Variants in ZC3H12C observed in about 807,000 individuals in gnomAD.
ZC3H12C encodes the protein probable ribonuclease ZC3H12C.
A neutral mutation model predicts 76.3 loss-of-function variants in ZC3H12C; 20 were observed. The observed-to-expected ratio is 0.26, with a 90% CI of 0.18 to 0.38. ZC3H12C has a LOEUF of 0.38. Ranked by LOEUF, ZC3H12C falls within the 10% of genes least tolerant of loss-of-function variation. ZC3H12C has a pLI of 1.00. For missense variants in ZC3H12C, 874 were observed against 1,086.5 expected, an observed-to-expected ratio of 0.80 and a Z score of 2.75; for synonymous variants, 352 against 399.6, an observed-to-expected ratio of 0.88 and a Z score of 1.42.
At chr11:110,138,974 A>G (rs1345696758) in intron 2 of ZC3H12C, among the ~76,000 whole-genome samples, 1 of 152,184 alleles carries the variant, frequency 6.6e-6, no homozygotes, top group Non-Finnish European at 1.5e-5. Flanking sequence ...ATTGACTACT[A>G]TATTGGACAA....
At chr11:110,105,666 C>A (rs1229389621) in intron 1 of ZC3H12C, among the ~76,000 whole-genome samples, 2 of 151,954 alleles carry the variant, frequency 1.3e-5, no homozygotes, top group African/African-American at 4.8e-5. Context: ...TTTAAAAAAT[C>A]TATTAATCTT....
Position 110,164,714 on chromosome 11 carries a change from A to G in ZC3H12C, c.1629A>G (p.Pro543=), listed in dbSNP as rs1158547917. 1.9e-6 allele frequency: 3 copies of G among 1,613,910 alleles called. No individual in the cohort carries two copies. The highest frequency in any genetic ancestry group is 3.3e-5 in the Admixed American group (2 of 60,004). Reference sequence around the variant, plus strand: ...CTACATCTTTAAGCAATGGCCTTCCATCTGGAGTTCATTTCCCACCTCAGG... The same window carrying G: ...CTACATCTTTAAGCAATGGCCTTCCGTCTGGAGTTCATTTCCCACCTCAGG... ...QSTTSLSNGL[P]SGVHFPPQDQ... The change falls in exon 6 of 6, where the codon CCA becomes CCG. Residue 543 remains proline, a synonymous_variant. Coordinates refer to ENST00000278590, the MANE Select transcript of ZC3H12C (RefSeq NM_033390.2). This position sits in a 1 kb window ranked among gnomAD's most constrained non-coding sequence, Gnocchi z 5.7.
In ZC3H12C at chr11:110,136,824, A is replaced by G. The variant is rs1347882476; in HGVS notation, c.183A>G (p.Ser61=). The G allele has an allele frequency of 1.7e-5, 27 of 1,613,838 alleles. No individual in the cohort carries two copies. Among genetic ancestry groups the G allele is most frequent in the Non-Finnish European group, 2.3e-5 (27 of 1,179,894 alleles). Residue 61 remains serine (S), a synonymous_variant, in exon 2 of 6, where the codon TCA becomes TCG. Transcript: ENST00000278590. ...DPQLSPAVPW[S]TVENPSMDTV... is the part of the protein sequence containing the mutation. ...AGTTAAGTCCAGCTGTACCTTGGTC[A>G]ACAGTAGAAAACCCAAGTATGGATA... is the stretch of plus-strand genomic sequence containing the variant.
At position 110,165,713 on chromosome 11, in the gene ZC3H12C, G is replaced by A; in HGVS notation, c.2628G>A (p.Val876=). 6.3e-7 allele frequency: 1 copy of A among 1,587,398 alleles called. No individual in the cohort carries two copies. Among genetic ancestry groups the A allele is most frequent in the South Asian group, 1.2e-5 (1 of 86,900 alleles). ...AGCAGCTCGCCGCAGCCATTTTAGTGGAGAAATCCCAGCTGGGTTATTGAA... is the reference window on the plus strand; with the variant it reads ...AGCAGCTCGCCGCAGCCATTTTAGTAGAGAAATCCCAGCTGGGTTATTGAA... ...DAQQLAAAIL[V]EKSQLGY The change falls in exon 6 of 6, where the codon GTG becomes GTA. Residue 876 remains valine, a synonymous_variant. Transcript: ENST00000278590.
At chr11:110,129,707 G>C (rs1460918984) in intron 1 of ZC3H12C, among the ~76,000 whole-genome samples, 4 of 152,154 alleles carry the variant, frequency 2.6e-5, no homozygotes, top group Non-Finnish European at 5.9e-5. Flanking sequence ...AAAAGGGAAT[G>C]TGCGTGCTTG....
intron 1 of ZC3H12C, among the ~76,000 whole-genome samples, chr11:110,100,568 C>T (rs192674240): frequency 2.0e-5 from 3 of 152,206 alleles, no homozygotes; most frequent in African/African-American, 7.2e-5. Flanking sequence ...TGCTGGGTCA[C>T]GTCGTGGTAG....
intron 1 of ZC3H12C, among the ~76,000 whole-genome samples, chr11:110,128,633 TC>T (rs1156828119): frequency 6.6e-6 from 1 of 152,152 alleles, no homozygotes; most frequent in African/African-American, 2.4e-5. Context: ...AGAAAGAGTT[TC>T]TAATATGAAT....
At chr11:110,126,417 C>T (rs1861748886) in intron 1 of ZC3H12C, among the ~76,000 whole-genome samples, 1 of 151,748 alleles carries the variant, frequency 6.6e-6, no homozygotes, top group Non-Finnish European at 1.5e-5. Flanking sequence ...ACAGGATCTC[C>T]CTATGTTGCC....
chr11:110,103,050 C>G (rs143425768), intron 1 of ZC3H12C, among the ~76,000 whole-genome samples: 159 of 152,294 alleles, frequency 1.0e-3, no homozygotes, highest in Admixed American at 3.2e-3. Flanking sequence ...GTGATATTCA[C>G]TTTACTATTA....
chr11:110,155,622 G>A (rs1008900169), intron 3 of ZC3H12C, among the ~76,000 whole-genome samples: 5 of 152,068 alleles, frequency 3.3e-5, no homozygotes, highest in African/African-American at 4.8e-5. Flanking sequence ...TATTCAGGCA[G>A]AATTTTTAAT....
Position 110,169,000 on chromosome 11 carries a change from T to A in ZC3H12C, c.*3263T>A, listed in dbSNP as rs557891957. ...CAGGGGTTGGGGGGAGTGCTTCTGA[T>A]GGCTAACTTTTCTCTAATTAAACTA... On this transcript the variant is annotated 3_prime_UTR_variant, in exon 6 of 6. Transcript: ENST00000278590. The A allele has an allele frequency of 6.6e-6, 1 of 152,284 alleles. No homozygotes were observed. Among genetic ancestry groups the A allele is most frequent in the Admixed American group, 6.5e-5 (1 of 15,278 alleles). The allele number at this position is 152,284 out of a possible 1,614,324, so 9.4% of individuals were successfully genotyped here.
At position 110,095,980 on chromosome 11, in the gene ZC3H12C, C is replaced by T. The variant is rs188256820; in HGVS notation, c.21+2548C>T. On this transcript the variant is annotated intron_variant, in intron 1 of 5. Transcript: ENST00000278590. ...AATTTAAGCCTAAAATATTGAGATT[C>T]CGGAGTTTGATCGTAAATCTACCAA... is the stretch of plus-strand genomic sequence containing the variant. Among the ~76,000 whole-genome samples the T allele has an allele frequency of 9.2e-4, 140 of 152,204 alleles. 1 individual carries two copies. The highest frequency in any genetic ancestry group is 3.3e-3 in the African/African-American group (136 of 41,536).
chr11:110,162,944 AGC>A (rs1862507002), intron 4 of ZC3H12C, among the ~76,000 whole-genome samples: 4 of 152,118 alleles, frequency 2.6e-5, no homozygotes, highest in African/African-American at 9.7e-5. Flanking sequence ...ATGTTGATAA[AGC>A]TCTCCTAAAG....
At chr11:110,154,924 GA>G (rs950853649) in intron 3 of ZC3H12C, among the ~76,000 whole-genome samples, 1 of 142,150 alleles carries the variant, frequency 7.0e-6, no homozygotes. Context: ...CAAATAAGAA[GA>G]AAAAAAGTTC....
chr11:110,127,971 T>C (rs988121685), intron 1 of ZC3H12C, among the ~76,000 whole-genome samples: 1 of 151,822 alleles, frequency 6.6e-6, no homozygotes, highest in East Asian at 1.9e-4. Context: ...CTGGCAAAGA[T>C]AATTGATGCC....
At chr11:110,117,896 T>C (rs917527712) in intron 1 of ZC3H12C, among the ~76,000 whole-genome samples, 4 of 111,874 alleles carry the variant, frequency 3.6e-5, no homozygotes, top group South Asian at 5.4e-4. Context: ...ATTATATATA[T>C]ACACACACAC....
chr11:110,161,442 C>T (rs1862480422), intron 4 of ZC3H12C, among the ~76,000 whole-genome samples: 1 of 152,172 alleles, frequency 6.6e-6, no homozygotes, highest in Non-Finnish European at 1.5e-5. Context: ...GAACGAATGA[C>T]ATCAAGCATG....
intron 1 of ZC3H12C, among the ~76,000 whole-genome samples, chr11:110,101,004 T>C (rs557375966): frequency 6.6e-6 from 1 of 152,224 alleles, no homozygotes; most frequent in Non-Finnish European, 1.5e-5. Flanking sequence ...AGATTAAAAG[T>C]GCTACTCCAG....
chr11:110,157,134 G>A (rs536986522), intron 3 of ZC3H12C, among the ~76,000 whole-genome samples: 158 of 149,152 alleles, frequency 1.1e-3, no homozygotes, highest in African/African-American at 3.5e-3. Context: ...AGCTGAGATC[G>A]CACCAGTGCA....
Sources: gnomAD v4.1 joint callset for allele counts (sites outside exome capture counted in the v4.1 genomes callset) on GRCh38, gnomAD v4.1.1 for gene constraint, Gnocchi (gnomAD v3.1) non-coding constraint, MANE v1.5 for transcripts, NCBI Gene and HGNC (gene_info 2026-07-23, HGNC 2026-07-21) for gene names.